COL26A1: variants seen among roughly 807,000 people sequenced by gnomAD.
COL26A1 encodes collagen alpha-1(XXVI) chain.
Under a neutral mutation model 59.3 loss-of-function variants are expected in COL26A1, and 41 were observed. The ratio of observed to expected loss-of-function variants is 0.69; its 90% CI spans 0.54 to 0.90. The LOEUF is 0.90. Ranked by LOEUF, COL26A1 falls within the 40% of genes least tolerant of loss-of-function variation. The pLI, the probability that COL26A1 is intolerant of heterozygous loss-of-function variation, is 0.00. For missense variants in COL26A1, 612 were observed against 602.3 expected (o/e 1.02, Z -0.17); for synonymous variants, 266 against 256.0 (o/e 1.04, Z -0.37).
chr7:101,420,344 GA>G (rs1359246648), intron 2 of COL26A1, among the ~76,000 whole-genome samples: 1 of 106,996 alleles, frequency 9.3e-6, no homozygotes, highest in African/African-American at 2.7e-5. Flanking sequence ...GTGTTTGACA[GA>G]CAGAAGACCA....
chr7:101,399,222 C>T (rs1791934325), intron 1 of COL26A1, among the ~76,000 whole-genome samples: 1 of 152,102 alleles, frequency 6.6e-6, no homozygotes. Context: ...GAGAGGATTG[C>T]TTGAGCCCAG....
At chr7:101,455,395 A>C (rs1382897653) in intron 3 of COL26A1, among the ~76,000 whole-genome samples, 5 of 152,152 alleles carry the variant, frequency 3.3e-5, no homozygotes, top group African/African-American at 1.2e-4. Context: ...GAAAACATAG[A>C]AACACGTAGT....
intron 3 of COL26A1, among the ~76,000 whole-genome samples, chr7:101,514,810 G>A (rs1794996063): frequency 6.6e-6 from 1 of 152,232 alleles, no homozygotes; most frequent in Non-Finnish European, 1.5e-5. Context: ...CAGAGAATCT[G>A]CATCTCCAGC....
intron 11 of COL26A1, among the ~76,000 whole-genome samples, chr7:101,554,182 G>A (rs557386969): frequency 6.6e-6 from 1 of 152,228 alleles, no homozygotes; most frequent in Non-Finnish European, 1.5e-5. Context: ...AGATGGGGCC[G>A]GCAGGGGGGG....
chr7:101,373,945 G>A (rs1009805581), intron 1 of COL26A1, among the ~76,000 whole-genome samples: 5 of 152,232 alleles, frequency 3.3e-5, no homozygotes, highest in Non-Finnish European at 4.4e-5. Flanking sequence ...GCTCGAACTC[G>A]TGTGACACTT....
intron 1 of COL26A1, among the ~76,000 whole-genome samples, chr7:101,385,750 G>C (rs1791558828): frequency 6.6e-6 from 1 of 151,816 alleles, no homozygotes; most frequent in African/African-American, 2.4e-5. Flanking sequence ...TGTCGCCCAG[G>C]TTGGAGTGCA....
chr7:101,424,592 C>T (rs751950678), intron 2 of COL26A1, among the ~76,000 whole-genome samples: 45 of 152,034 alleles, frequency 3.0e-4, no homozygotes, highest in Non-Finnish European at 5.3e-4. Context: ...AGCAAGTCTC[C>T]GTCTCAAAAA....
rs373941775 is a variant in COL26A1 at position 101,385,367 on chromosome 7, G to GTATATATATATATATATATATATATA, written c.158+22196_158+22197insATATATATATATATATATATATATAT. Among the ~76,000 whole-genome samples the GTATATATATATATATATATATATATA allele has an allele frequency of 2.9e-3, 401 of 136,908 alleles. 7 individuals are homozygous for GTATATATATATATATATATATATATA. The highest frequency in any genetic ancestry group is 4.5e-3 in the Non-Finnish European group (276 of 61,180). 89.8% of individuals were successfully genotyped at this position (136,908 alleles called of 152,430 possible). ...TATATATATGTGTATATATATGTGT[G>GTATATATATATATATATATATATATA]TATATATATATATATATATTTGTGA... On this transcript the variant is annotated intron_variant, in intron 1 of 12. Transcript: ENST00000313669.
intron 3 of COL26A1, among the ~76,000 whole-genome samples, chr7:101,483,674 A>C (rs1794202052): frequency 9.5e-6 from 1 of 104,850 alleles, no homozygotes; most frequent in African/African-American, 5.2e-5. Context: ...TGTCCAGCTA[A>C]CTTTGTTTTT....
intron 3 of COL26A1, among the ~76,000 whole-genome samples, chr7:101,516,708 G>A (rs902312234): frequency 2.0e-5 from 3 of 152,198 alleles, no homozygotes; most frequent in Admixed American, 6.5e-5. Context: ...AAACAACTGA[G>A]GTTCAGAGAG....
chr7:101,405,324 C>T (rs1220312184), intron 1 of COL26A1, among the ~76,000 whole-genome samples: 1 of 151,836 alleles, frequency 6.6e-6, no homozygotes, highest in Non-Finnish European at 1.5e-5. Context: ...GACTTTTTAC[C>T]CACATGGTAT....
At chr7:101,532,970 TGACTG>T (rs1795400487) in intron 3 of COL26A1, 107 bp from the exon 4 acceptor site, 1 of 778,296 alleles carries the variant, frequency 1.3e-6, no homozygotes, top group African/African-American at 1.7e-5. Context: ...CCAGGCAAAA[TGACTG>T]GAGATTTCTC....
intron 3 of COL26A1, among the ~76,000 whole-genome samples, chr7:101,524,730 T>C (rs1795206007): frequency 6.6e-6 from 1 of 152,232 alleles, no homozygotes; most frequent in Non-Finnish European, 1.5e-5. Context: ...TTCTATTTGC[T>C]TGTCGTAGGT....
chr7:101,479,191 G>C (rs535910109), intron 3 of COL26A1, among the ~76,000 whole-genome samples: 33 of 152,320 alleles, frequency 2.2e-4, no homozygotes, highest in Non-Finnish European at 3.8e-4. Flanking sequence ...TTCACCAGCA[G>C]TGTATAAAAG....
In COL26A1 at chr7:101,531,255, G is replaced by A. The variant is rs138217790; in HGVS notation, c.386-1827G>A. 2.0e-3 allele frequency among the ~76,000 whole-genome samples: 307 copies of A among 152,304 alleles called. 7 individuals are homozygous for A. Among genetic ancestry groups the A allele is most frequent in the Admixed American group, 0.018 (276 of 15,300 alleles). On this transcript the variant is annotated intron_variant, in intron 3 of 12. Coordinates refer to ENST00000313669, the MANE Select transcript of COL26A1 (RefSeq NM_001278563.3). ...CAAAGTGCTGGGATTATAGGCGTGA[G>A]CCACCACACCCGGCCTACCTTTTTA...
At chr7:101,396,144 A>G (rs943285614) in intron 1 of COL26A1, among the ~76,000 whole-genome samples, 5 of 152,056 alleles carry the variant, frequency 3.3e-5, no homozygotes, top group African/African-American at 1.2e-4. Flanking sequence ...GTGAGTGCCT[A>G]TAGTCCCAGC....
At chr7:101,499,289 C>T (rs1794652354) in intron 3 of COL26A1, among the ~76,000 whole-genome samples, 1 of 152,156 alleles carries the variant, frequency 6.6e-6, no homozygotes, top group Non-Finnish European at 1.5e-5. Flanking sequence ...CATCTATACT[C>T]CCAGCACTTT....
In COL26A1 at chr7:101,557,557, C is replaced by A; in HGVS notation, c.*27C>A. 1 of 1,582,218 alleles carries A rather than the reference C, an allele frequency of 6.3e-7. No individual in the cohort carries two copies. Among genetic ancestry groups the A allele is most frequent in the South Asian group, 1.1e-5 (1 of 88,738 alleles). On this transcript the variant is annotated 3_prime_UTR_variant, in exon 13 of 13. Coordinates refer to ENST00000313669, the MANE Select transcript of COL26A1 (RefSeq NM_001278563.3). ...AGCCCACTGCTCCAGGACACCCTGTCCTGGCTAGAGACCCAGCCCCAGAGG... is the reference window on the plus strand; with the variant it reads ...AGCCCACTGCTCCAGGACACCCTGTACTGGCTAGAGACCCAGCCCCAGAGG...
chr7:101,369,443 C>CTTTT (rs1210867917), intron 1 of COL26A1, among the ~76,000 whole-genome samples: 5 of 75,894 alleles, frequency 6.6e-5, no homozygotes, highest in Non-Finnish European at 6.7e-5. Flanking sequence ...TAATCTGCAT[C>CTTTT]TTTTTTTTTT....
Sources: allele counts gnomAD v4.1 joint callset (sites outside exome capture counted in the v4.1 genomes callset), GRCh38; gene constraint gnomAD v4.1.1; transcripts MANE v1.5; gene names NCBI Gene and HGNC (gene_info 2026-07-23, HGNC 2026-07-21).